The following B4GALT7 variants were observed in gnomAD, a reference collection of about 807,000 sequenced individuals.
The protein encoded by B4GALT7 is beta-1,4-galactosyltransferase 7, also known as UDP-Gal:beta-GlcNAc beta-1,4-galactosyltransferase 7.
In B4GALT7, 30 loss-of-function variants were observed where a neutral mutation model predicts 33.0. The observed-to-expected ratio is 0.91, with a 90% confidence interval of 0.68 to 1.23. The LOEUF is 1.23. Ranked by LOEUF, B4GALT7 falls within the 50% of genes most tolerant of loss-of-function variation. The pLI, the probability that B4GALT7 is intolerant of heterozygous loss-of-function variation, is 0.00. For synonymous variants in B4GALT7, 213 were observed against 187.2 expected (o/e 1.14, Z -1.13); for missense variants, 507 against 450.8 (o/e 1.12, Z -1.13).
chr5:177,608,489 C>T lies in B4GALT7; in HGVS notation c.640-50C>T, dbSNP rs1397976986. On this transcript the variant is annotated intron_variant, in intron 3 of 5. Coordinates refer to ENST00000029410, the MANE Select transcript of B4GALT7 (RefSeq NM_007255.3). The surrounding 1 kb of genome is among the most constrained non-coding windows in gnomAD (Gnocchi z 4.1). ...TCCCGAGCGGTAGGAGACCAAAGGCCCCCCCCCCCGGGAAGATGGGCCGAG... is the reference window on the plus strand; with the variant it reads ...TCCCGAGCGGTAGGAGACCAAAGGCTCCCCCCCCCGGGAAGATGGGCCGAG... 12 of 1,235,876 alleles carry T rather than the reference C, an allele frequency of 9.7e-6. No individual in the cohort carries two copies. Among genetic ancestry groups the T allele is most frequent in the East Asian group, 4.9e-5 (1 of 20,546 alleles). The allele number at this position is 1,235,876 out of a possible 1,614,324, so 76.6% of individuals were successfully genotyped here.
At chr5:177,603,668 G>A (rs980688946) in intron 1 of B4GALT7, among the ~76,000 whole-genome samples, 1 of 152,166 alleles carries the variant, frequency 6.6e-6, no homozygotes, top group African/African-American at 2.4e-5. Context: ...GCACACACCC[G>A]TGTCTGGGTG....
rs2127509588 is a variant in B4GALT7, at chr5:177,600,154, A to G, written c.-57A>G. 1.7e-6 allele frequency: 2 copies of G among 1,195,888 alleles called. No homozygotes were observed. The highest frequency in any genetic ancestry group is 2.1e-6 in the Non-Finnish European group (2 of 958,926). 74.1% of individuals were successfully genotyped at this position (1,195,888 alleles called of 1,614,324 possible). On this transcript the variant is annotated 5_prime_UTR_variant, in exon 1 of 6. Coordinates refer to ENST00000029410, the MANE Select transcript of B4GALT7 (RefSeq NM_007255.3). This position sits in a 1 kb window ranked among gnomAD's most constrained non-coding sequence, Gnocchi z 4.4. ...GGCGGAGGCGCCGCGTAGGCCCGGG[A>G]GGCCGGGCCGGCCGGGCTGCGAGCG...
At chr5:177,602,164 G>C (rs1246763194) in intron 1 of B4GALT7, among the ~76,000 whole-genome samples, 2 of 152,118 alleles carry the variant, frequency 1.3e-5, no homozygotes, top group Non-Finnish European at 2.9e-5. Context: ...CTCCTCCCCA[G>C]CTGAATCCAC....
rs1421610470 is a variant in B4GALT7 at position 177,609,611 on chromosome 5, G to A, written c.900G>A (p.Leu300=). The stretch of plus-strand genomic sequence containing the variant: ...ACCATGTGGCTTCCCGCACTGCCCT[G>A]TCTGTGGGCGGGGCCCCCTGCACTG... ...VKYHVASRTA[L]SVGGAPCTVL... Residue 300 remains leucine (L), a synonymous_variant, in exon 6 of 6, where the codon CTG becomes CTA. Coordinates refer to ENST00000029410, the MANE Select transcript of B4GALT7 (RefSeq NM_007255.3). The A allele has an allele frequency of 6.2e-7, 1 of 1,614,018 alleles. No homozygotes were observed. The highest frequency in any genetic ancestry group is 1.1e-5 in the South Asian group (1 of 91,074).
chr5:177,603,103 G>A, intron 1 of B4GALT7: 1 of 602,992 alleles, frequency 1.7e-6, no homozygotes, highest in Non-Finnish European at 2.1e-6. Context: ...GGCTGGTCTT[G>A]AGCTCCTGAC....
At chr5:177,602,251 C>T (rs1211393796) in intron 1 of B4GALT7, among the ~76,000 whole-genome samples, 1 of 152,110 alleles carries the variant, frequency 6.6e-6, no homozygotes, top group Non-Finnish European at 1.5e-5. Context: ...GCGTGTGGAA[C>T]CTGGGCCTGG....
intron 2 of B4GALT7, 92 bp from the exon 3 acceptor site, chr5:177,607,210 G>A: frequency 9.2e-7 from 1 of 1,088,508 alleles, no homozygotes; most frequent in Non-Finnish European, 1.4e-6. Context: ...CCAGAGGGCA[G>A]CATAGGCACC....
In B4GALT7 at chr5:177,606,999, G is replaced by C; in HGVS notation, c.414-303G>C. On this transcript the variant is annotated intron_variant, in intron 2 of 5. Transcript: ENST00000029410. This position sits in a 1 kb window ranked among gnomAD's most constrained non-coding sequence, Gnocchi z 4.2. The stretch of plus-strand genomic sequence containing the variant: ...CTTGCCTGCTTTGCTTTTCCCCCCA[G>C]CACGAACCACTGCTGGCCACGCTTT... The C allele has an allele frequency of 2.1e-6, 1 of 465,808 alleles. No homozygotes were observed. The highest frequency in any genetic ancestry group is 4.0e-6 in the Non-Finnish European group (1 of 250,120). The allele number at this position is 465,808 out of a possible 1,614,324, so 28.9% of individuals were successfully genotyped here. A position where few individuals can be genotyped will look rare whatever the true frequency, so the allele number is the denominator to read the frequency against.
Position 177,608,780 on chromosome 5 carries a change from C to A in B4GALT7, c.724-130C>A. 5 of 1,125,530 alleles carry A rather than the reference C, an allele frequency of 4.4e-6. No individual in the cohort carries two copies. The South Asian group carries it at 6.3e-5, about 14-fold the overall frequency. The allele number at this position is 1,125,530 out of a possible 1,614,324, so 69.7% of individuals were successfully genotyped here. ...ATGGTCATCTAGCCAGTTCCTTGCC[C>A]TGTGGGCCCCAGTCTCCTCTCCTGC... On this transcript the variant is annotated intron_variant, in intron 4 of 5. Transcript: ENST00000029410. This position sits in a 1 kb window ranked among gnomAD's most constrained non-coding sequence, Gnocchi z 4.1.
intron 2 of B4GALT7, chr5:177,605,010 T>C (rs1437121967): frequency 8.8e-6 from 4 of 455,666 alleles, no homozygotes; most frequent in Middle Eastern, 6.5e-4. Flanking sequence ...CAGCCTGAGA[T>C]CTCACCCACC....
At chr5:177,602,960 G>A in intron 1 of B4GALT7, 1 of 559,216 alleles carries the variant, frequency 1.8e-6, no homozygotes, top group African/African-American at 2.0e-5. Context: ...TCAGCTCACT[G>A]CAACCTCCGC....
rs1768013232 is a variant in B4GALT7, at chr5:177,606,450, T to C, written c.414-852T>C. The C allele has an allele frequency of 6.5e-6, 1 of 153,066 alleles. No homozygotes were observed. The highest frequency in any genetic ancestry group is 2.4e-5 in the African/African-American group (1 of 41,460). The allele number at this position is 153,066 out of a possible 1,614,324, so 9.5% of individuals were successfully genotyped here. A position where few individuals can be genotyped will look rare whatever the true frequency, so the allele number is the denominator to read the frequency against. On this transcript the variant is annotated intron_variant, in intron 2 of 5. Transcript: ENST00000029410. This position sits in a 1 kb window ranked among gnomAD's most constrained non-coding sequence, Gnocchi z 4.2. ...CTTCTCTGTCATACACTGCGTCCTA[T>C]TCGTCAGCAAAATCCATCTAGAATC...
Position 177,606,988 on chromosome 5 carries a change from T to G in B4GALT7, c.414-314T>G. 1 of 441,290 alleles carries G rather than the reference T, an allele frequency of 2.3e-6. No homozygotes were observed. Among genetic ancestry groups the G allele is most frequent in the Non-Finnish European group, 4.3e-6 (1 of 235,202 alleles). The allele number at this position is 441,290 out of a possible 1,614,324, so 27.3% of individuals were successfully genotyped here. On this transcript the variant is annotated intron_variant, in intron 2 of 5. Coordinates refer to ENST00000029410, the MANE Select transcript of B4GALT7 (RefSeq NM_007255.3). This position sits in a 1 kb window ranked among gnomAD's most constrained non-coding sequence, Gnocchi z 4.2. ...AGATCGCCCTCCTTGCCTGCTTTGC[T>G]TTTCCCCCCAGCACGAACCACTGCT...
Position 177,604,290 on chromosome 5 carries a change from TG to T in B4GALT7, c.166del (p.Asp56ThrfsTer64). 1 of 1,612,480 alleles carries T rather than the reference TG, an allele frequency of 6.2e-7. No individual in the cohort carries two copies. Among genetic ancestry groups the T allele is most frequent in the Non-Finnish European group, 8.5e-7 (1 of 1,179,308 alleles). On this transcript the variant is annotated frameshift_variant, in exon 2 of 6. Coordinates refer to ENST00000029410, the MANE Select transcript of B4GALT7 (RefSeq NM_007255.3). LOFTEE classifies it high-confidence loss of function. ...TACTCTGGCTGCAGCTCAGCTGCTC[TG>T]GGGACGTGGCCCGGGCAGTCAGGGG... ...SLLWLQLSCSGDVARAVRGQG... is the reference protein window; with the variant it reads ...SLLWLQLSCSXDVARAVRGQG...
chr5:177,603,176 T>C (rs28587776), intron 1 of B4GALT7: 644,873 of 983,846 alleles, frequency 0.66, 212,494 homozygotes, highest in African/African-American at 0.78. Flanking sequence ...CCACCACGCC[T>C]GGCCAGGAGA....
rs1768024468 is a variant in B4GALT7, at chr5:177,606,742, CTG to C, written c.414-556_414-555del. ...GTGGCCCTTGGGCCTTGTGCAGTCA[CTG>C]TGTCACCCCCAACATCCCCACCTCT... is the stretch of plus-strand genomic sequence containing the variant. On this transcript the variant is annotated intron_variant, in intron 2 of 5. Coordinates refer to ENST00000029410, the MANE Select transcript of B4GALT7 (RefSeq NM_007255.3). This position sits in a 1 kb window ranked among gnomAD's most constrained non-coding sequence, Gnocchi z 4.2. The C allele has an allele frequency of 8.4e-6, 2 of 237,528 alleles. No individual in the cohort carries two copies. Among genetic ancestry groups the C allele is most frequent in the African/African-American group, 2.2e-5 (1 of 44,572 alleles). 14.7% of individuals were successfully genotyped at this position (237,528 alleles called of 1,614,324 possible).
rs1490018564 is a variant in B4GALT7 at position 177,606,656 on chromosome 5, C to T, written c.414-646C>T. 5.3e-6 allele frequency: 1 copy of T among 189,352 alleles called. No individual in the cohort carries two copies. Among genetic ancestry groups the T allele is most frequent in the Non-Finnish European group, 1.1e-5 (1 of 89,850 alleles). 11.7% of individuals were successfully genotyped at this position (189,352 alleles called of 1,614,324 possible). A position where few individuals can be genotyped will look rare whatever the true frequency, so the allele number is the denominator to read the frequency against. On this transcript the variant is annotated intron_variant, in intron 2 of 5. Coordinates refer to ENST00000029410, the MANE Select transcript of B4GALT7 (RefSeq NM_007255.3). The surrounding 1 kb of genome is among the most constrained non-coding windows in gnomAD (Gnocchi z 4.2). ...TGTCCAGGCATAAGTCACAGCACGC[C>T]TCTACCCTGCTCAGAGCCTCCATGG...
rs115756833 is a variant in B4GALT7 at position 177,607,452 on chromosome 5, G to A, written c.564G>A (p.Pro188=). ...CTGGGCCCTTCCACGTGGCCTCCCC[G>A]GAGCTCCACCCTCTCTACCACTACA... ...PEAGPFHVAS[P]ELHPLYHYKT... Residue 188 remains proline (P), a synonymous_variant, in exon 3 of 6, where the codon CCG becomes CCA. Coordinates refer to ENST00000029410, the MANE Select transcript of B4GALT7 (RefSeq NM_007255.3). 5.3e-5 allele frequency: 85 copies of A among 1,613,812 alleles called. No individual in the cohort carries two copies. In the African/African-American group the frequency reaches 8.4e-4, roughly 16 times the overall value.
In B4GALT7 at chr5:177,600,202, C is replaced by G; in HGVS notation, c.-9C>G. On this transcript the variant is annotated 5_prime_UTR_variant, in exon 1 of 6. Coordinates refer to ENST00000029410, the MANE Select transcript of B4GALT7 (RefSeq NM_007255.3). The surrounding 1 kb of genome is among the most constrained non-coding windows in gnomAD (Gnocchi z 4.4). ...GCGCCTGCCCCATGCGCCGCCGCCT[C>G]TCCGCACGATGTTCCCCTCGCGGAG... 1 of 1,369,862 alleles carries G rather than the reference C, an allele frequency of 7.3e-7. No individual in the cohort carries two copies. The allele number at this position is 1,369,862 out of a possible 1,614,324, so 84.9% of individuals were successfully genotyped here.
Sources: gnomAD v4.1 joint callset for allele counts (sites outside exome capture counted in the v4.1 genomes callset) on GRCh38, gnomAD v4.1.1 for gene constraint, Gnocchi (gnomAD v3.1) non-coding constraint, MANE v1.5 for transcripts, NCBI Gene and HGNC (gene_info 2026-07-23, HGNC 2026-07-21) for gene names.